Variants in VSTM2A observed in about 807,000 individuals in gnomAD.
The protein encoded by VSTM2A is V-set and transmembrane domain-containing protein 2A.
VSTM2A carries 13 observed loss-of-function variants against 27.3 expected under a neutral mutation model. The ratio of observed to expected loss-of-function variants is 0.48; its 90% CI spans 0.31 to 0.76. The LOEUF (loss-of-function observed/expected upper bound fraction) is 0.76. Among genes scored for constraint, VSTM2A ranks in the 30% least tolerant of loss-of-function variants. The pLI is 0.05. For missense variants in VSTM2A, 280 were observed against 310.0 expected, an observed-to-expected ratio of 0.90 and a Z score of 0.73; for synonymous variants, 142 against 125.7, an observed-to-expected ratio of 1.13 and a Z score of -0.87.
intron 4 of VSTM2A, chr7:54,554,090 G>T: frequency 1.3e-6 from 2 of 1,550,756 alleles, no homozygotes; most frequent in Non-Finnish European, 1.7e-6. Context: ...TGCCCAGGTC[G>T]CTCGCACTCC....
chr7:54,550,554 A>C, intron 4 of VSTM2A: 1 of 295,490 alleles, frequency 3.4e-6, no homozygotes, highest in South Asian at 9.7e-5. Flanking sequence ...CACTTAATCA[A>C]AATGTAAATG....
intron 2 of VSTM2A, 111 bp from the exon 3 acceptor site, chr7:54,546,836 T>A: frequency 2.1e-6 from 3 of 1,457,752 alleles, no homozygotes; most frequent in Non-Finnish European, 2.8e-6. Flanking sequence ...CGCTCCCCTG[T>A]CCCCAGGTCA....
chr7:54,563,679 G>A (rs950654), intron 4 of VSTM2A, among the ~76,000 whole-genome samples: 10,438 of 152,128 alleles, frequency 0.069, 969 homozygotes, highest in African/African-American at 0.21. Context: ...ACCTGCGTTC[G>A]TGGGCAACTG....
chr7:54,566,011 A>G (rs868639173), intron 4 of VSTM2A, among the ~76,000 whole-genome samples: 11 of 152,216 alleles, frequency 7.2e-5, no homozygotes, highest in Admixed American at 4.6e-4. Context: ...AAGACTTCTC[A>G]GACTCTTCCA....
At chr7:54,545,691 GGAGAGAGGGAAGGGAAAGA>G (rs1787930665) in intron 2 of VSTM2A, among the ~76,000 whole-genome samples, 1 of 103,956 alleles carries the variant, frequency 9.6e-6, no homozygotes, top group Non-Finnish European at 1.9e-5. Context: ...GGGGAAAAAG[GGAGAGAGGGAAGGGAAAGA>G]GAGAGAGGGA....
intron 3 of VSTM2A, among the ~76,000 whole-genome samples, chr7:54,547,610 T>A (rs1411562302): frequency 6.6e-6 from 1 of 152,190 alleles, no homozygotes; most frequent in Non-Finnish European, 1.5e-5. Context: ...TGTGTAAAAT[T>A]TAAAAAGTGA....
At chr7:54,550,598 C>A (rs1023475204) in intron 4 of VSTM2A, 3 of 213,594 alleles carry the variant, frequency 1.4e-5, no homozygotes, top group African/African-American at 6.9e-5. Context: ...TTTTCAGCGA[C>A]CCATAGCTCT....
chr7:54,555,229 A>C (rs1458711825), intron 4 of VSTM2A, among the ~76,000 whole-genome samples: 1 of 152,192 alleles, frequency 6.6e-6, no homozygotes, highest in Non-Finnish European at 1.5e-5. Context: ...TTCCTCATCT[A>C]ATCCAATCTA....
chr7:54,565,151 G>A (rs535474148), intron 4 of VSTM2A, among the ~76,000 whole-genome samples: 3 of 138,538 alleles, frequency 2.2e-5, no homozygotes, highest in African/African-American at 7.7e-5. Flanking sequence ...GGTGGTTTCC[G>A]AAAGCGGCAG....
At chr7:54,554,245 A>C (rs660336) in intron 4 of VSTM2A, among the ~76,000 whole-genome samples, 135,247 of 151,994 alleles carry the variant, frequency 0.89, 60,857 homozygotes, top group Non-Finnish European at 0.97. Context: ...CAGGCTGGTC[A>C]CCTATTTACT....
At chr7:54,568,220 A>G (rs1788781905) in intron 4 of VSTM2A, among the ~76,000 whole-genome samples, 1 of 152,178 alleles carries the variant, frequency 6.6e-6, no homozygotes, top group African/African-American at 2.4e-5. Flanking sequence ...AATTTTTATC[A>G]TTGTCAGTGT....
chr7:54,550,555 A>C, intron 4 of VSTM2A: 1 of 289,080 alleles, frequency 3.5e-6, no homozygotes, highest in Non-Finnish European at 6.4e-6. Context: ...ACTTAATCAA[A>C]ATGTAAATGA....
At chr7:54,562,856 A>G (rs1788604863) in intron 4 of VSTM2A, among the ~76,000 whole-genome samples, 1 of 152,258 alleles carries the variant, frequency 6.6e-6, no homozygotes, top group Non-Finnish European at 1.5e-5. Flanking sequence ...TAAATTTTGG[A>G]TTAAAACTAC....
chr7:54,554,200 A>C (rs1584055125), intron 4 of VSTM2A: 2 of 1,419,316 alleles, frequency 1.4e-6, no homozygotes, highest in African/African-American at 1.4e-5. Flanking sequence ...TCCCTCGATC[A>C]CTCCTTCCTG....
intron 4 of VSTM2A, among the ~76,000 whole-genome samples, chr7:54,568,533 A>T (rs1417503694): frequency 2.1e-5 from 3 of 140,556 alleles, no homozygotes; most frequent in Non-Finnish European, 3.1e-5. Context: ...TTCGAGGATT[A>T]AAAAAAAAAA....
At chr7:54,565,026 G>A (rs552033746) in intron 4 of VSTM2A, among the ~76,000 whole-genome samples, 12 of 152,230 alleles carry the variant, frequency 7.9e-5, no homozygotes, top group African/African-American at 2.9e-4. Context: ...TATGTTATAT[G>A]TGAACTATGG....
chr7:54,560,349 G>A (rs911954997), intron 4 of VSTM2A, among the ~76,000 whole-genome samples: 17 of 150,292 alleles, frequency 1.1e-4, no homozygotes, highest in Admixed American at 7.9e-4. Context: ...TGGAGAACAT[G>A]ACCATCAAGT....
At chr7:54,567,332 ATGT>A (rs1443017177) in intron 4 of VSTM2A, among the ~76,000 whole-genome samples, 1 of 152,226 alleles carries the variant, frequency 6.6e-6, no homozygotes, top group African/African-American at 2.4e-5. Flanking sequence ...GAAGTTCAAA[ATGT>A]TAGTAGCCTC....
intron 4 of VSTM2A, among the ~76,000 whole-genome samples, chr7:54,564,869 T>C (rs915037893): frequency 6.6e-6 from 1 of 152,244 alleles, no homozygotes; most frequent in African/African-American, 2.4e-5. Flanking sequence ...CAAAATATGT[T>C]ATATCGTAAG....
Sources: allele counts gnomAD v4.1 joint callset (sites outside exome capture counted in the v4.1 genomes callset), GRCh38; gene constraint gnomAD v4.1.1; transcripts MANE v1.5; gene names NCBI Gene and HGNC (gene_info 2026-07-23, HGNC 2026-07-21).